The following MUC12 variants were observed in gnomAD, a reference collection of about 807,000 sequenced individuals.
MUC12 encodes mucin-12.
In MUC12, 172 loss-of-function variants were observed where a neutral mutation model predicts 230.8. That is an observed-to-expected ratio of 0.75 (90% confidence interval 0.66 to 0.85). The LOEUF is 0.85. Among genes scored for constraint, MUC12 ranks in the 40% least tolerant of loss-of-function variants. The pLI, the probability that MUC12 is intolerant of heterozygous loss-of-function variation, is 0.00. For synonymous variants in MUC12, 1,259 were observed against 2,401.9 expected (o/e 0.52, Z 13.91); for missense variants, 3,506 against 5,920.6 (o/e 0.59, Z 13.38).
In MUC12 at chr7:100,994,057, G is replaced by C. The variant is rs76001002; in HGVS notation, c.3494G>C (p.Arg1165Pro). The change falls in exon 2 of 12, where the codon CGA (arginine) becomes CCA (proline). Residue 1165 changes from arginine to proline, a missense_variant. Arg to Pro is a moderately radical substitution (Grantham distance 103). Transcript: ENST00000536621. ...EESTTVYSSS[R>P]GSTETTVFPH... ...TCTACCACCGTCTACAGCAGCAGCC[G>C]AGGCTCAACTGAAACCACAGTGTTC... is the stretch of plus-strand genomic sequence containing the variant. 511,646 of 1,013,280 alleles carry C rather than the reference G, an allele frequency of 0.5. 220,775 individuals are homozygous for C. Among genetic ancestry groups the C allele is most frequent in the Admixed American group, 0.7 (27,067 of 38,852 alleles). 62.8% of individuals were successfully genotyped at this position (1,013,280 alleles called of 1,614,324 possible). A position where few individuals can be genotyped will look rare whatever the true frequency, so the allele number is the denominator to read the frequency against.
Position 101,018,602 on chromosome 7 carries a change from T to G in MUC12, c.15974T>G (p.Ile5325Ser). Residue 5325 changes from isoleucine to serine, a missense_variant, in exon 12 of 12, where the codon ATC becomes AGC. Physicochemically the swap from Ile to Ser is moderately radical, Grantham distance 142. Transcript: ENST00000536621. The part of the protein sequence containing the change: ...ETVDSGTELH[I>S]QRPEMVASTV The stretch of plus-strand genomic sequence containing the variant: ...TTCTCTCCCGTCCCCCAGCTCCACA[T>G]CCAGAGGCCGGAGATGGTAGCATCC... 2 of 1,535,562 alleles carry G rather than the reference T, an allele frequency of 1.3e-6. No individual in the cohort carries two copies. The highest frequency in any genetic ancestry group is 1.7e-6 in the Non-Finnish European group (2 of 1,146,042).
chr7:100,972,968 G>A, intron 1 of MUC12: 1 of 703,098 alleles, frequency 1.4e-6, no homozygotes, highest in East Asian at 2.7e-5. Context: ...GAGCTACGGT[G>A]CAGGAATGCC....
At position 101,004,802 on chromosome 7, in the gene MUC12, T is replaced by A. The variant is rs986448243; in HGVS notation, c.14239T>A (p.Ser4747Thr). Residue 4747 changes from serine (S) to threonine (T), a missense_variant, in exon 2 of 12, where the codon TCA (serine) becomes ACA (threonine). Transcript: ENST00000536621. The part of the protein sequence containing the change: ...KSTILYSSSR[S>T]PDQTLSPASM... ...TACCATCCTTTACAGTAGCTCCAGA[T>A]CACCAGACCAAACACTCTCACCTGC... 5.9e-6 allele frequency: 9 copies of A among 1,537,500 alleles called. No individual in the cohort carries two copies. In the African/African-American group the frequency reaches 1.1e-4, roughly 19 times the overall value.
chr7:100,975,193 A>AG (rs1793003983), intron 1 of MUC12, among the ~76,000 whole-genome samples: 1 of 151,130 alleles, frequency 6.6e-6, no homozygotes, highest in Non-Finnish European at 1.5e-5. Flanking sequence ...GATCCACACG[A>AG]TGACTGGAAC....
Position 100,995,681 on chromosome 7 carries a change from A to C in MUC12, c.5118A>C (p.Thr1706=), listed in dbSNP as rs1162947352. The C allele has an allele frequency of 2.6e-6, 4 of 1,537,110 alleles. No homozygotes were observed. The East Asian group carries it at 9.8e-5, about 38-fold the overall frequency. Residue 1706 remains threonine (T), a synonymous_variant, in exon 2 of 12, where the codon ACA becomes ACC. Coordinates refer to ENST00000536621, the MANE Select transcript of MUC12 (RefSeq NM_001164462.2). ...CTATGCCTGCACCTCCTACTACCAC[A>C]TCAGCCTTTGTTGAGCTATCTACAA... ...KDTMPAPPTT[T]SAFVELSTTS... is the part of the protein sequence containing the mutation.
At chr7:100,983,417 T>TA (rs571349708) in intron 1 of MUC12, among the ~76,000 whole-genome samples, 1,665 of 137,502 alleles carry the variant, frequency 0.012, 32 homozygotes, top group African/African-American at 0.037. Flanking sequence ...GAGACTCCGT[T>TA]AAAAAAAAAA....
In MUC12 at chr7:101,005,116, C is replaced by T; in HGVS notation, c.14553C>T (p.Thr4851=). 1 of 1,537,920 alleles carries T rather than the reference C, an allele frequency of 6.5e-7. No homozygotes were observed. The highest frequency in any genetic ancestry group is 8.7e-7 in the Non-Finnish European group (1 of 1,147,068). ...TGCCAGGCCTTAGTGAGGAATCTACCACCTTCTACAGCAGCCCAGGCTCAA... is the reference window on the plus strand; with the variant it reads ...TGCCAGGCCTTAGTGAGGAATCTACTACCTTCTACAGCAGCCCAGGCTCAA... ...TTVPGLSEES[T]TFYSSPGSTE... The change falls in exon 2 of 12, where the codon ACC becomes ACT. Residue 4851 remains threonine (T), a synonymous_variant. Transcript: ENST00000536621.
In MUC12 at chr7:101,014,006, G is replaced by T; in HGVS notation, c.15732G>T (p.Met5244Ile). Residue 5244 changes from methionine to isoleucine, a missense_variant, in exon 9 of 12, where the codon ATG (methionine) becomes ATT (isoleucine). Met to Ile is a conservative substitution (Grantham distance 10). Coordinates refer to ENST00000536621, the MANE Select transcript of MUC12 (RefSeq NM_001164462.2). ...TGTATGGGATCGTGGGGGCTGTGAT[G>T]GCGGTGCTGCTGCTCGCATTGATCA... ...SLVYGIVGAV[M>I]AVLLLALIIL... 6.5e-7 allele frequency: 1 copy of T among 1,537,048 alleles called. No homozygotes were observed. Among genetic ancestry groups the T allele is most frequent in the Non-Finnish European group, 8.7e-7 (1 of 1,146,834 alleles).
chr7:101,008,602 T>C, intron 3 of MUC12, 32 bp from the exon 4 acceptor site: 1 of 1,530,920 alleles, frequency 6.5e-7, no homozygotes, highest in Non-Finnish European at 8.7e-7. Context: ...GGGAGGTCGC[T>C]GTCTCACGCA....
chr7:101,005,911 C>T (rs1793741633), intron 2 of MUC12, among the ~76,000 whole-genome samples: 1 of 151,984 alleles, frequency 6.6e-6, no homozygotes, highest in East Asian at 1.9e-4. Flanking sequence ...GATTCTCCTA[C>T]CTTGTCCTCC....
At position 100,991,606 on chromosome 7, in the gene MUC12, G is replaced by T. The variant is rs117387753; in HGVS notation, c.1043G>T (p.Arg348Leu). 5 of 1,536,824 alleles carry T rather than the reference G, an allele frequency of 3.3e-6. No individual in the cohort carries two copies. The highest frequency in any genetic ancestry group is 1.4e-5 in the African/African-American group (1 of 73,064). The change falls in exon 2 of 12, where the codon CGC becomes CTC. Residue 348 changes from arginine to leucine, a missense_variant. Transcript: ENST00000536621. The part of the protein sequence containing the change: ...VATATTPPPA[R>L]SATSGHVEES... Reference sequence around the variant, plus strand: ...ACTGCAACAACACCCCCACCTGCCCGCTCCGCGACCTCAGGCCATGTTGAA... The same window carrying T: ...ACTGCAACAACACCCCCACCTGCCCTCTCCGCGACCTCAGGCCATGTTGAA...
intron 5 of MUC12, among the ~76,000 whole-genome samples, chr7:101,010,224 A>G (rs113964059): frequency 0.018 from 2,669 of 151,942 alleles, 71 homozygotes; most frequent in African/African-American, 0.057. Context: ...TGAGGGGTAG[A>G]ATGGGGGAAG....
At chr7:101,007,746 CT>C (rs1239587762) in intron 3 of MUC12, among the ~76,000 whole-genome samples, 1 of 152,170 alleles carries the variant, frequency 6.6e-6, no homozygotes, top group Non-Finnish European at 1.5e-5. Context: ...GATTTCCTTT[CT>C]TTTGGGTATA....
At chr7:100,987,060 G>T (rs1043356198) in intron 1 of MUC12, among the ~76,000 whole-genome samples, 93 of 91,348 alleles carry the variant, frequency 1.0e-3, no homozygotes, top group Middle Eastern at 7.0e-3. Context: ...CAAGATAATG[G>T]TTTTTTTTTT....
Position 100,993,961 on chromosome 7 carries a change from G to C in MUC12, c.3398G>C (p.Arg1133Pro), listed in dbSNP as rs10248292. 29 of 1,290,508 alleles carry C rather than the reference G, an allele frequency of 2.2e-5. 8 individuals are homozygous for C. The African/African-American group carries it at 4.2e-4, about 18-fold the overall frequency. The allele number at this position is 1,290,508 out of a possible 1,614,324, so 79.9% of individuals were successfully genotyped here. A position where few individuals can be genotyped will look rare whatever the true frequency, so the allele number is the denominator to read the frequency against. The change falls in exon 2 of 12, where the codon CGT (arginine) becomes CCT (proline). Residue 1133 changes from arginine (R) to proline (P), a missense_variant. By Grantham distance (103) the Arg-to-Pro change is moderately radical. Transcript: ENST00000536621. ...LGVGEESTTS[R>P]SQPGSTHSTV... Reference sequence around the variant, plus strand: ...GTCGGTGAAGAATCCACCACCTCCCGTAGCCAACCAGGTTCTACTCACTCA... The same window carrying C: ...GTCGGTGAAGAATCCACCACCTCCCCTAGCCAACCAGGTTCTACTCACTCA...
chr7:100,979,139 A>C (rs1793069701), intron 1 of MUC12, among the ~76,000 whole-genome samples: 2 of 152,146 alleles, frequency 1.3e-5, no homozygotes, highest in Non-Finnish European at 2.9e-5. Flanking sequence ...ATCCAAATAC[A>C]TGTGGAATGT....
At chr7:100,973,124 G>T in intron 1 of MUC12, 3 of 578,620 alleles carry the variant, frequency 5.2e-6, no homozygotes, top group South Asian at 3.5e-5. Flanking sequence ...GCTGAGTAGG[G>T]CTGGGGATGC....
chr7:100,976,151 C>A (rs1278779597), intron 1 of MUC12, among the ~76,000 whole-genome samples: 1 of 53,354 alleles, frequency 1.9e-5, no homozygotes, highest in Non-Finnish European at 4.0e-5. Flanking sequence ...GGTGGTGTGT[C>A]TCTGTAGTCC....
rs528311126 is a variant in MUC12, at chr7:100,989,986, C to T, written c.68-645C>T. Among the ~76,000 whole-genome samples, 14 of 152,338 alleles carry T rather than the reference C, an allele frequency of 9.2e-5. No individual in the cohort carries two copies. In the South Asian group the frequency reaches 1.9e-3, roughly 20 times the overall value. On this transcript the variant is annotated intron_variant, in intron 1 of 11. Coordinates refer to ENST00000536621, the MANE Select transcript of MUC12 (RefSeq NM_001164462.2). ...GGGATTATAGGTGGGAGCCACCTCA[C>T]CTGGCCCTAAAAATTCAAGTTACAA... is the stretch of plus-strand genomic sequence containing the variant.
Sources: allele counts gnomAD v4.1 joint callset (sites outside exome capture counted in the v4.1 genomes callset), GRCh38; gene constraint gnomAD v4.1.1; transcripts MANE v1.5; gene names NCBI Gene and HGNC (gene_info 2026-07-23, HGNC 2026-07-21).